The following ELP6 variants were observed in gnomAD, a reference collection of about 807,000 sequenced individuals.
ELP6 encodes the protein elongator acetyltransferase complex subunit 6.
A neutral mutation model predicts 28.1 loss-of-function variants in ELP6; 23 were observed. The observed-to-expected ratio is 0.82, with a 90% CI of 0.59 to 1.16. ELP6 has a LOEUF of 1.16. Among genes scored for constraint, ELP6 ranks in the 50% most tolerant of loss-of-function variants. The probability of loss-of-function intolerance (pLI) is 0.00; values close to 1 mark genes in which losing one functional copy is unlikely to be tolerated. For synonymous variants in ELP6, 132 were observed against 135.8 expected (o/e 0.97, Z 0.19); for missense variants, 313 against 334.6 (o/e 0.94, Z 0.50).
intron 6 of ELP6, chr3:47,497,964 G>C: frequency 2.0e-6 from 2 of 985,122 alleles, no homozygotes; most frequent in Non-Finnish European, 2.4e-6. Context: ...CTGAATAGAC[G>C]ACGCCTGCTG....
intron 3 of ELP6, chr3:47,504,652 TTG>T (rs1364041219): frequency 2.0e-6 from 2 of 985,260 alleles, no homozygotes; most frequent in Non-Finnish European, 2.4e-6. Context: ...TTCCATTTAA[TTG>T]TTACATTAAA....
At position 47,511,197 on chromosome 3, in the gene ELP6, C is replaced by A. The variant is rs746914304; in HGVS notation, c.84G>T (p.Lys28Asn). Residue 28 changes from lysine to asparagine, a missense_variant, in exon 2 of 7, where the codon AAG (lysine) becomes AAT (asparagine). Transcript: ENST00000296149. ...GGTGTACAAGGAAACTCCCATCTGTCTTGGCATCACAGAGTAGAGTCAGTT... is the reference window on the plus strand; with the variant it reads ...GGTGTACAAGGAAACTCCCATCTGTATTGGCATCACAGAGTAGAGTCAGTT... ...QGKLTLLCDA[K>N]TDGSFLVHHF... 2 of 1,614,096 alleles carry A rather than the reference C, an allele frequency of 1.2e-6. No homozygotes were observed. Among genetic ancestry groups the A allele is most frequent in the South Asian group, 2.2e-5 (2 of 91,080 alleles).
chr3:47,497,758 G>A (rs1452206259), intron 6 of ELP6, among the ~76,000 whole-genome samples: 1 of 151,958 alleles, frequency 6.6e-6, no homozygotes, highest in Non-Finnish European at 1.5e-5. Flanking sequence ...GTGAAACCCC[G>A]TCTCTACTAA....
intron 6 of ELP6, 74 bp downstream of exon 6, chr3:47,498,212 T>C (rs12495169): frequency 0.18 from 276,935 of 1,576,690 alleles, 29,030 homozygotes; most frequent in East Asian, 0.45. Flanking sequence ...CCCTCAGGCC[T>C]GACTCTCCCC....
chr3:47,496,395 C>A (rs1708479131), intron 6 of ELP6, 198 bp from the exon 7 acceptor site: 1 of 982,604 alleles, frequency 1.0e-6, no homozygotes, highest in African/African-American at 1.8e-5. Context: ...CCCTCCATTA[C>A]AGTAGTCATA....
chr3:47,507,836 T>C (rs1708886939), intron 3 of ELP6, among the ~76,000 whole-genome samples: 2 of 152,176 alleles, frequency 1.3e-5, no homozygotes, highest in South Asian at 4.1e-4. Context: ...TCTATTTATG[T>C]AAGTGCAACA....
rs925559211 is a variant in ELP6, at chr3:47,507,666, T to C, written c.204+2518A>G. On this transcript the variant is annotated intron_variant, in intron 3 of 6. Transcript: ENST00000296149. The stretch of plus-strand genomic sequence containing the variant: ...AAAAAAAAGAGAAAGAGGCAACATG[T>C]AACTCTTTAGACTTTCCATGCCCCT... Among the ~76,000 whole-genome samples, 129 of 151,172 alleles carry C rather than the reference T, an allele frequency of 8.5e-4. 1 individual carries two copies. The highest frequency in any genetic ancestry group is 2.9e-3 in the African/African-American group (121 of 41,202).
At chr3:47,497,359 CAG>C in intron 6 of ELP6, 3 of 972,318 alleles carry the variant, frequency 3.1e-6, no homozygotes, top group Non-Finnish European at 3.7e-6. Context: ...TTTTTTGAGA[CAG>C]AGTCTCACTC....
At chr3:47,499,988 C>T in intron 5 of ELP6, 1 of 1,338,702 alleles carries the variant, frequency 7.5e-7, no homozygotes, top group Non-Finnish European at 9.9e-7. Flanking sequence ...GCTGCTGCTT[C>T]AGACACACTG....
chr3:47,498,456 C>A, intron 5 of ELP6, 24 bp from the exon 6 acceptor site: 2 of 1,607,892 alleles, frequency 1.2e-6, no homozygotes, highest in South Asian at 1.1e-5. Context: ...AAGATGGAAG[C>A]CTGCTCCTTA....
intron 1 of ELP6, chr3:47,513,054 G>A: frequency 1.0e-6 from 1 of 972,026 alleles, no homozygotes; most frequent in Middle Eastern, 5.3e-4. Context: ...GCGGTGGCGA[G>A]ATCTCGGGTC....
rs969404459 is a variant in ELP6 at position 47,495,895 on chromosome 3, G to A, written c.*174C>T. On this transcript the variant is annotated 3_prime_UTR_variant, in exon 7 of 7. Coordinates refer to ENST00000296149, the MANE Select transcript of ELP6 (RefSeq NM_001031703.3). ...TGGTCCCTTGTGTTTTCTGAACAGG[G>A]CCCAGGGCAGCCAAGGCATGCCATC... 2.8e-6 allele frequency: 3 copies of A among 1,089,894 alleles called. No individual in the cohort carries two copies. Among genetic ancestry groups the A allele is most frequent in the African/African-American group, 3.2e-5 (2 of 61,720 alleles). The allele number at this position is 1,089,894 out of a possible 1,614,324, so 67.5% of individuals were successfully genotyped here.
At chr3:47,496,387 C>T (rs1375756691) in intron 6 of ELP6, 190 bp from the exon 7 acceptor site, 1 of 984,864 alleles carries the variant, frequency 1.0e-6, no homozygotes, top group Non-Finnish European at 1.2e-6. Flanking sequence ...AAGGGTTCCC[C>T]TCCATTACAG....
Position 47,510,269 on chromosome 3 carries a change from A to C in ELP6, c.134-15T>G, listed in dbSNP as rs775511987. On this transcript the variant is annotated splice_polypyrimidine_tract_variant and intron_variant, in intron 2 of 6. Coordinates refer to ENST00000296149, the MANE Select transcript of ELP6 (RefSeq NM_001031703.3). ...TTTACAATTAGCTAGAAAACAAAAC[A>C]ATTATTTTAAATAAATCCTCTGGTT... The C allele has an allele frequency of 3.3e-5, 53 of 1,606,126 alleles. No individual in the cohort carries two copies. The highest frequency in any genetic ancestry group is 3.3e-4 in the Middle Eastern group (2 of 6,074).
In ELP6 at chr3:47,513,504, T is replaced by C. The variant is rs577692959; in HGVS notation, c.54+33A>G. On this transcript the variant is annotated intron_variant, in intron 1 of 6. Coordinates refer to ENST00000296149, the MANE Select transcript of ELP6 (RefSeq NM_001031703.3). ...TGCAGTATTCCGCTGCCCTGCCAGGTCCCGCCCCCTTCCGGCCAGCGGGAC... is the reference window on the plus strand; with the variant it reads ...TGCAGTATTCCGCTGCCCTGCCAGGCCCCGCCCCCTTCCGGCCAGCGGGAC... 12 of 1,606,834 alleles carry C rather than the reference T, an allele frequency of 7.5e-6. No homozygotes were observed. The African/African-American group carries it at 1.5e-4, about 20-fold the overall frequency.
At chr3:47,513,466 A>T in intron 1 of ELP6, 71 bp downstream of exon 1, 17 of 1,575,978 alleles carry the variant, frequency 1.1e-5, no homozygotes, top group Non-Finnish European at 1.5e-5. Context: ...GGTCGTGCGC[A>T]CCGCCTCCCG....
Position 47,498,611 on chromosome 3 carries a change from A to C in ELP6, c.526-179T>G. On this transcript the variant is annotated intron_variant, in intron 5 of 6. Transcript: ENST00000296149. ...GACCCTAATTCCAGTCACCTACTGG[A>C]CAACTTCACCCATATTTCACCCATA... The C allele has an allele frequency of 4.1e-6, 4 of 985,312 alleles. No homozygotes were observed. In the South Asian group the frequency reaches 1.9e-4, roughly 46 times the overall value. The allele number at this position is 985,312 out of a possible 1,614,324, so 61.0% of individuals were successfully genotyped here. A position where few individuals can be genotyped will look rare whatever the true frequency, so the allele number is the denominator to read the frequency against.
At position 47,495,844 on chromosome 3, in the gene ELP6, C is replaced by T; in HGVS notation, c.*225G>A. On this transcript the variant is annotated 3_prime_UTR_variant, in exon 7 of 7. Coordinates refer to ENST00000296149, the MANE Select transcript of ELP6 (RefSeq NM_001031703.3). ...CCTTTCACTTGGGTCTAGCATCCAG[C>T]CTCTCTCTCAGCAAAGGCAGGATTG... 1 of 612,066 alleles carries T rather than the reference C, an allele frequency of 1.6e-6. No homozygotes were observed. Among genetic ancestry groups the T allele is most frequent in the Non-Finnish European group, 2.6e-6 (1 of 386,746 alleles). The allele number at this position is 612,066 out of a possible 1,614,324, so 37.9% of individuals were successfully genotyped here.
intron 1 of ELP6, chr3:47,512,917 G>C (rs1199034531): frequency 3.3e-5 from 33 of 985,508 alleles, no homozygotes; most frequent in Non-Finnish European, 3.6e-5. Flanking sequence ...CCACCCCAGT[G>C]AACATGCACA....
Sources: gnomAD v4.1 joint callset for allele counts (sites outside exome capture counted in the v4.1 genomes callset) on GRCh38, gnomAD v4.1.1 for gene constraint, MANE v1.5 for transcripts, NCBI Gene and HGNC (gene_info 2026-07-23, HGNC 2026-07-21) for gene names.